SPEM1: variants seen among roughly 807,000 people sequenced by gnomAD.
The protein encoded by SPEM1 is spermatid maturation protein 1.
In SPEM1, 10 loss-of-function variants were observed where a neutral mutation model predicts 9.0. The ratio of observed to expected loss-of-function variants is 1.11; its 90% CI spans 0.68 to 1.88. SPEM1 has a LOEUF of 1.88. SPEM1 is among the 40% of genes most tolerant of loss of function. The probability of loss-of-function intolerance (pLI) is 0.00; values close to 1 mark genes in which losing one functional copy is unlikely to be tolerated. For missense variants in SPEM1, 401 were observed against 408.6 expected (o/e 0.98, Z 0.16); for synonymous variants, 175 against 157.8 (o/e 1.11, Z -0.82).
rs772124452 is a variant in SPEM1, at chr17:7,421,017, T to A, written c.342T>A (p.Arg114=). The A allele has an allele frequency of 3.4e-5, 55 of 1,613,964 alleles. No individual in the cohort carries two copies. Among genetic ancestry groups the A allele is most frequent in the Non-Finnish European group, 4.5e-5 (53 of 1,180,022 alleles). ...CGCCCCCAGCTCACCGCCATCGCCG[T>A]CGAGGCTCTCCCACACGCTGTGCTC... ...VSPPPAHRHR[R]RGSPTRCAHC... is the part of the protein sequence containing the mutation. The change falls in exon 3 of 3, where the codon CGT becomes CGA. Residue 114 remains arginine, a synonymous_variant. Coordinates refer to ENST00000323675, the MANE Select transcript of SPEM1 (RefSeq NM_199339.3). The surrounding 1 kb of genome is among the most constrained non-coding windows in gnomAD (Gnocchi z 4.8).
In SPEM1 at chr17:7,421,120, G is replaced by A. The variant is rs780179836; in HGVS notation, c.445G>A (p.Asp149Asn). 3 of 1,613,994 alleles carry A rather than the reference G, an allele frequency of 1.9e-6. No individual in the cohort carries two copies. Among genetic ancestry groups the A allele is most frequent in the Non-Finnish European group, 2.5e-6 (3 of 1,180,002 alleles). ...QYPAICSYHWDVPEDWEGFQH... is the reference protein window; with the variant it reads ...QYPAICSYHWNVPEDWEGFQH... ...CCCAGCCATCTGCTCCTACCACTGG[G>A]ATGTCCCTGAGGACTGGGAAGGCTT... Residue 149 changes from aspartate to asparagine, a missense_variant, in exon 3 of 3, where the codon GAT becomes AAT. Coordinates refer to ENST00000323675, the MANE Select transcript of SPEM1 (RefSeq NM_199339.3). This position sits in a 1 kb window ranked among gnomAD's most constrained non-coding sequence, Gnocchi z 4.8.
Position 7,420,415 on chromosome 17 carries a change from T to C in SPEM1, c.31T>C (p.Trp11Arg). The C allele has an allele frequency of 1.9e-6, 3 of 1,572,136 alleles. No homozygotes were observed. The highest frequency in any genetic ancestry group is 1.7e-6 in the Non-Finnish European group (2 of 1,158,532). The stretch of plus-strand genomic sequence containing the variant: ...CATGGTTGAGCGGCCGAGGCCCGAG[T>C]GGGCCTCGTATCACAACTGCAACAG... The part of the protein sequence containing the change: MAMVERPRPE[W>R]ASYHNCNSNS... The change falls in exon 1 of 3, where the codon TGG becomes CGG. Residue 11 changes from tryptophan (W) to arginine (R), a missense_variant. By Grantham distance (101) the Trp-to-Arg change is moderately radical. Transcript: ENST00000323675.
In SPEM1 at chr17:7,420,450, C is replaced by T; in HGVS notation, c.66C>T (p.Cys22=). ...ASYHNCNSNS[C]QDLGNSVLLL... Reference sequence around the variant, plus strand: ...ATCACAACTGCAACAGCAACAGCTGCCAGGACCTGGGCAACTCTGTCCTGT... The same window carrying T: ...ATCACAACTGCAACAGCAACAGCTGTCAGGACCTGGGCAACTCTGTCCTGT... The change falls in exon 1 of 3, where the codon TGC becomes TGT. Residue 22 remains cysteine (C), a synonymous_variant. Coordinates refer to ENST00000323675, the MANE Select transcript of SPEM1 (RefSeq NM_199339.3). 6.2e-7 allele frequency: 1 copy of T among 1,600,382 alleles called. No individual in the cohort carries two copies. The highest frequency in any genetic ancestry group is 8.5e-7 in the Non-Finnish European group (1 of 1,173,618).
chr17:7,420,540 GC>G lies in SPEM1; in HGVS notation c.144+14del. The G allele has an allele frequency of 1.2e-6, 2 of 1,613,560 alleles. No individual in the cohort carries two copies. Among genetic ancestry groups the G allele is most frequent in the Non-Finnish European group, 1.7e-6 (2 of 1,179,588 alleles). Reference sequence around the variant, plus strand: ...ATATAGTGACCCTGGTCAGGGTGGGGCCAGATGGGAGGGAGCTGGTGGGATA... The same window carrying G: ...ATATAGTGACCCTGGTCAGGGTGGGGCAGATGGGAGGGAGCTGGTGGGATA... On this transcript the variant is annotated intron_variant, in intron 1 of 2. Coordinates refer to ENST00000323675, the MANE Select transcript of SPEM1 (RefSeq NM_199339.3).
In SPEM1 at chr17:7,421,103, T is replaced by G; in HGVS notation, c.428T>G (p.Ile143Ser). Reference sequence around the variant, plus strand: ...GAGAAGCCTCATCAGTACCCAGCCATCTGCTCCTACCACTGGGATGTCCCT... The same window carrying G: ...GAGAAGCCTCATCAGTACCCAGCCAGCTGCTCCTACCACTGGGATGTCCCT... ...DDEKPHQYPA[I>S]CSYHWDVPED... The change falls in exon 3 of 3, where the codon ATC (isoleucine) becomes AGC (serine). Residue 143 changes from isoleucine (I) to serine (S), a missense_variant. Coordinates refer to ENST00000323675, the MANE Select transcript of SPEM1 (RefSeq NM_199339.3). The surrounding 1 kb of genome is among the most constrained non-coding windows in gnomAD (Gnocchi z 4.8). The G allele has an allele frequency of 6.2e-7, 1 of 1,614,118 alleles. No homozygotes were observed. The highest frequency in any genetic ancestry group is 8.5e-7 in the Non-Finnish European group (1 of 1,179,980).
At position 7,421,127 on chromosome 17, in the gene SPEM1, C is replaced by T. The variant is rs1380582681; in HGVS notation, c.452C>T (p.Pro151Leu). ...PAICSYHWDV[P>L]EDWEGFQHTQ... ...ATCTGCTCCTACCACTGGGATGTCC[C>T]TGAGGACTGGGAAGGCTTCCAACAC... Residue 151 changes from proline (P) to leucine (L), a missense_variant, in exon 3 of 3, where the codon CCT (proline) becomes CTT (leucine). Pro to Leu is a moderately conservative substitution (Grantham distance 98, BLOSUM62 -3). Transcript: ENST00000323675. This position sits in a 1 kb window ranked among gnomAD's most constrained non-coding sequence, Gnocchi z 4.8. 5.0e-6 allele frequency: 8 copies of T among 1,614,102 alleles called. No homozygotes were observed. The highest frequency in any genetic ancestry group is 6.8e-6 in the Non-Finnish European group (8 of 1,179,980).
At position 7,420,629 on chromosome 17, in the gene SPEM1, C is replaced by T; in HGVS notation, c.147C>T (p.Leu49=). 6.2e-7 allele frequency: 1 copy of T among 1,614,146 alleles called. No individual in the cohort carries two copies. Among genetic ancestry groups the T allele is most frequent in the Non-Finnish European group, 8.5e-7 (1 of 1,180,006 alleles). ...INISINIVTL[L]WSRFRGVLYQ... is the part of the protein sequence containing the mutation. ...TCACTGTGTCTTCCCCCACCTAGCTCTGGAGCCGATTCCGTGGTGTCTTAT... is the reference window on the plus strand; with the variant it reads ...TCACTGTGTCTTCCCCCACCTAGCTTTGGAGCCGATTCCGTGGTGTCTTAT... Residue 49 remains leucine, a splice_region_variant and synonymous_variant, in exon 2 of 3, where the codon CTC becomes CTT. Transcript: ENST00000323675.
intron 1 of SPEM1, 21 bp downstream of exon 1, chr17:7,420,549 G>A (rs767605268): frequency 1.0e-4 from 168 of 1,613,558 alleles, no homozygotes; most frequent in Non-Finnish European, 1.3e-4. Flanking sequence ...GGCCAGATGG[G>A]AGGGAGCTGG....
In SPEM1 at chr17:7,421,235, A is replaced by AT; in HGVS notation, c.560_561insT (p.Glu187AspfsTer29). ...ATCCGCTTCCAGCCTACCGTAGAGG[A>AT]AAGGCCCCTCAAAACAGGCATATGG... On this transcript the variant is annotated frameshift_variant, in exon 3 of 3. Coordinates refer to ENST00000323675, the MANE Select transcript of SPEM1 (RefSeq NM_199339.3). LOFTEE classifies it low-confidence loss of function (END_TRUNC). This position sits in a 1 kb window ranked among gnomAD's most constrained non-coding sequence, Gnocchi z 4.8. 1 of 1,614,158 alleles carries AT rather than the reference A, an allele frequency of 6.2e-7. No homozygotes were observed. The highest frequency in any genetic ancestry group is 8.5e-7 in the Non-Finnish European group (1 of 1,180,016).
Position 7,420,956 on chromosome 17 carries a change from G to C in SPEM1, c.281G>C (p.Arg94Pro). 1 of 1,613,984 alleles carries C rather than the reference G, an allele frequency of 6.2e-7. No homozygotes were observed. Among genetic ancestry groups the C allele is most frequent in the Non-Finnish European group, 8.5e-7 (1 of 1,180,016 alleles). Reference sequence around the variant, plus strand: ...CAGAGTTCTCCTGCAGTCCATCTTCGGTGCACCATGGACCCTGTGATGATG... The same window carrying C: ...CAGAGTTCTCCTGCAGTCCATCTTCCGTGCACCATGGACCCTGTGATGATG... ...KKQSSPAVHL[R>P]CTMDPVMMTV... The change falls in exon 3 of 3, where the codon CGG (arginine) becomes CCG (proline). Residue 94 changes from arginine (R) to proline (P), a missense_variant. Arg to Pro is a moderately radical substitution (Grantham distance 103). Transcript: ENST00000323675.
At chr17:7,420,711 AT>A (rs1206727874) in intron 2 of SPEM1, 24 bp downstream of exon 2, 1 of 1,612,916 alleles carries the variant, frequency 6.2e-7, no homozygotes, top group African/African-American at 1.3e-5. Context: ...GGGCTGGGAC[AT>A]AGGAGGGGCA....
In SPEM1 at chr17:7,421,030, A is replaced by C. The variant is rs958816800; in HGVS notation, c.355A>C (p.Thr119Pro). 10 of 1,613,870 alleles carry C rather than the reference A, an allele frequency of 6.2e-6. No homozygotes were observed. The African/African-American group carries it at 1.2e-4, about 19-fold the overall frequency. The change falls in exon 3 of 3, where the codon ACA (threonine) becomes CCA (proline). Residue 119 changes from threonine (T) to proline (P), a missense_variant. Physicochemically the swap from Thr to Pro is conservative, Grantham distance 38. Coordinates refer to ENST00000323675, the MANE Select transcript of SPEM1 (RefSeq NM_199339.3). The surrounding 1 kb of genome is among the most constrained non-coding windows in gnomAD (Gnocchi z 4.8). ...AHRHRRRGSP[T>P]RCAHCPVAWA... ...CCGCCATCGCCGTCGAGGCTCTCCC[A>C]CACGCTGTGCTCACTGCCCAGTAGC...
In SPEM1 at chr17:7,420,571, G is replaced by T. The variant is rs561411871; in HGVS notation, c.144+43G>T. 461 of 1,614,028 alleles carry T rather than the reference G, an allele frequency of 2.9e-4. 3 individuals carry two copies. In the South Asian group the frequency reaches 3.2e-3, roughly 11 times the overall value. ...TGGGAGGGAGCTGGTGGGATAGTGG[G>T]GGGCAGGCCTGCCGGCCAGGGCCTA... is the stretch of plus-strand genomic sequence containing the variant. On this transcript the variant is annotated intron_variant, in intron 1 of 2. Coordinates refer to ENST00000323675, the MANE Select transcript of SPEM1 (RefSeq NM_199339.3).
intron 1 of SPEM1, 40 bp downstream of exon 1, chr17:7,420,568 T>G: frequency 6.2e-7 from 1 of 1,613,874 alleles, no homozygotes; most frequent in Admixed American, 1.7e-5. Flanking sequence ...GGTGGGATAG[T>G]GGGGGGCAGG....
At position 7,421,002 on chromosome 17, in the gene SPEM1, T is replaced by C; in HGVS notation, c.327T>C (p.Ala109=). The C allele has an allele frequency of 6.2e-7, 1 of 1,614,132 alleles. No homozygotes were observed. Among genetic ancestry groups the C allele is most frequent in the East Asian group, 2.2e-5 (1 of 44,884 alleles). The change falls in exon 3 of 3, where the codon GCT becomes GCC. Residue 109 remains alanine, a synonymous_variant. Transcript: ENST00000323675. This position sits in a 1 kb window ranked among gnomAD's most constrained non-coding sequence, Gnocchi z 4.8. ...PVMMTVSPPP[A]HRHRRRGSPT... ...TGATGACTGTGTCCCCGCCCCCAGC[T>C]CACCGCCATCGCCGTCGAGGCTCTC...
rs1335168749 is a variant in SPEM1 at position 7,420,492 on chromosome 17, C to T, written c.108C>T (p.Ile36=). ...GNSVLLLLGL[I]ICINISINIV... is the part of the protein sequence containing the mutation. ...CTGTCCTGTTGCTGCTGGGCCTCAT[C>T]ATCTGCATTAACATTAGCATCAATA... The change falls in exon 1 of 3, where the codon ATC becomes ATT. Residue 36 remains isoleucine, a synonymous_variant. Transcript: ENST00000323675. 4 of 1,612,198 alleles carry T rather than the reference C, an allele frequency of 2.5e-6. No individual in the cohort carries two copies. In the African/African-American group the frequency reaches 5.3e-5, roughly 22 times the overall value.
Position 7,420,913 on chromosome 17 carries a change from A to C in SPEM1, c.238A>C (p.Thr80Pro). 6.2e-7 allele frequency: 1 copy of C among 1,613,876 alleles called. No homozygotes were observed. The highest frequency in any genetic ancestry group is 8.5e-7 in the Non-Finnish European group (1 of 1,179,946). Residue 80 changes from threonine to proline, a missense_variant, in exon 3 of 3, where the codon ACC becomes CCC. Coordinates refer to ENST00000323675, the MANE Select transcript of SPEM1 (RefSeq NM_199339.3). ...CAAGTCATCATTACTCAGAAAGCAG[A>C]CCCAGCCCCCTAAGAAGCAGAGTTC... is the stretch of plus-strand genomic sequence containing the variant. ...APKSSLLRKQ[T>P]QPPKKQSSPA... is the part of the protein sequence containing the mutation.
chr17:7,420,756 G>A, intron 2 of SPEM1, 69 bp downstream of exon 2: 1 of 1,606,156 alleles, frequency 6.2e-7, no homozygotes, highest in Non-Finnish European at 8.5e-7. Flanking sequence ...CCCTAAATTA[G>A]CCCCTTCCCT....
chr17:7,420,712 T>C, intron 2 of SPEM1, 25 bp downstream of exon 2: 5 of 1,612,912 alleles, frequency 3.1e-6, no homozygotes, highest in Non-Finnish European at 4.2e-6. Flanking sequence ...GGCTGGGACA[T>C]AGGAGGGGCA....
Sources: gnomAD v4.1 joint callset for allele counts on GRCh38, gnomAD v4.1.1 for gene constraint, Gnocchi (gnomAD v3.1) non-coding constraint, MANE v1.5 for transcripts, NCBI Gene and HGNC (gene_info 2026-07-23, HGNC 2026-07-21) for gene names.